The following PVALEF variants were observed in gnomAD, a reference collection of about 807,000 sequenced individuals.
PVALEF encodes parvalbumin like EF-hand containing.
PVALEF carries 2 observed loss-of-function variants against 1.2 expected under a neutral mutation model. The observed-to-expected ratio is 1.68, with a 90% CI of 0.69 to 5.28. The LOEUF (loss-of-function observed/expected upper bound fraction) is 5.28, where lower values mean the gene tolerates loss of function less well. Among genes scored for constraint, PVALEF ranks in the 30% most tolerant of loss-of-function variants. The probability of loss-of-function intolerance (pLI) is 0.06; values close to 1 mark genes in which losing one functional copy is unlikely to be tolerated. For synonymous variants in PVALEF, 16 were observed against 6.5 expected, an observed-to-expected ratio of 2.47 and a Z score of -2.24; for missense variants, 35 against 17.7, an observed-to-expected ratio of 1.97 and a Z score of -1.75.
chr17:81,175,693 A>T (rs1360338114), intron 2 of PVALEF, among the ~76,000 whole-genome samples: 1 of 152,226 alleles, frequency 6.6e-6, no homozygotes, highest in African/African-American at 2.4e-5. Context: ...GGGAAAAAAC[A>T]GTCTTTCAAC....
chr17:81,179,140 A>C lies in PVALEF; in HGVS notation c.-117A>C. ...ACCCACCTTCCAGAACTCTCGAAAG[A>C]AGCCAGGCAGAGGTAAGCCCTGCCA... On this transcript the variant is annotated 5_prime_UTR_variant, in exon 3 of 7. Coordinates refer to ENST00000637878, the MANE Select transcript of PVALEF (RefSeq NM_001354639.2). The C allele has an allele frequency of 2.6e-6, 1 of 379,910 alleles. No individual in the cohort carries two copies. The highest frequency in any genetic ancestry group is 1.8e-5 in the South Asian group (1 of 54,260). The allele number at this position is 379,910 out of a possible 1,614,324, so 23.5% of individuals were successfully genotyped here.
chr17:81,179,134 C>T lies in PVALEF; in HGVS notation c.-123C>T, dbSNP rs1178962530. 7 of 383,306 alleles carry T rather than the reference C, an allele frequency of 1.8e-5. No individual in the cohort carries two copies. Among genetic ancestry groups the T allele is most frequent in the East Asian group, 8.6e-5 (1 of 11,626 alleles). 23.7% of individuals were successfully genotyped at this position (383,306 alleles called of 1,614,324 possible). A position where few individuals can be genotyped will look rare whatever the true frequency, so the allele number is the denominator to read the frequency against. ...AGCCTGACCCACCTTCCAGAACTCT[C>T]GAAAGAAGCCAGGCAGAGGTAAGCC... On this transcript the variant is annotated 5_prime_UTR_variant, in exon 3 of 7. Coordinates refer to ENST00000637878, the MANE Select transcript of PVALEF (RefSeq NM_001354639.2).
At chr17:81,178,258 C>A (rs1598250573) in intron 2 of PVALEF, among the ~76,000 whole-genome samples, 1 of 152,324 alleles carries the variant, frequency 6.6e-6, no homozygotes, top group South Asian at 2.1e-4. Flanking sequence ...ATGTAAGAGG[C>A]CCGGGCAGTC....
chr17:81,172,980 C>A (rs1198339327), intron 2 of PVALEF, among the ~76,000 whole-genome samples: 4 of 152,080 alleles, frequency 2.6e-5, no homozygotes. Context: ...GAAGCGGCGG[C>A]GTGAGGCCTT....
At chr17:81,177,889 G>A (rs537487020) in intron 2 of PVALEF, among the ~76,000 whole-genome samples, 73 of 152,322 alleles carry the variant, frequency 4.8e-4, no homozygotes, top group African/African-American at 1.5e-3. Flanking sequence ...AATTGCTGCT[G>A]GGGCCAGGGA....
At chr17:81,168,716 G>A (rs903739882) in intron 2 of PVALEF, among the ~76,000 whole-genome samples, 4 of 152,132 alleles carry the variant, frequency 2.6e-5, no homozygotes, top group Non-Finnish European at 4.4e-5. Flanking sequence ...AGCATTGCCC[G>A]TCGAAGAGGA....
chr17:81,180,284 A>G (rs1012550168), intron 3 of PVALEF, among the ~76,000 whole-genome samples: 9 of 152,068 alleles, frequency 5.9e-5, no homozygotes, highest in African/African-American at 2.2e-4. Flanking sequence ...CTCCTCTGTA[A>G]AGGAGGTGAC....
Position 81,182,043 on chromosome 17 carries a change from C to A in PVALEF, c.320C>A (p.Ala107Glu), listed in dbSNP as rs1026733214. 6 of 398,646 alleles carry A rather than the reference C, an allele frequency of 1.5e-5. No homozygotes were observed. Among genetic ancestry groups the A allele is most frequent in the Non-Finnish European group, 2.2e-5 (5 of 226,206 alleles). 24.7% of individuals were successfully genotyped at this position (398,646 alleles called of 1,614,324 possible). ...TDEEAEAMIQ[A>E]ADTHGDGRIN... is the part of the protein sequence containing the mutation. Reference sequence around the variant, plus strand: ...GAGGAGGCCGAGGCCATGATCCAGGCGGCAGACACACACGGGGACGGGAGG... The same window carrying A: ...GAGGAGGCCGAGGCCATGATCCAGGAGGCAGACACACACGGGGACGGGAGG... Residue 107 changes from alanine (A) to glutamate (E), a missense_variant, in exon 6 of 7, where the codon GCG (alanine) becomes GAG (glutamate). Coordinates refer to ENST00000637878, the MANE Select transcript of PVALEF (RefSeq NM_001354639.2).
intron 1 of PVALEF, 133 bp downstream of exon 1, chr17:81,165,880 CATCACG>C: frequency 6.5e-7 from 1 of 1,548,238 alleles, no homozygotes; most frequent in Non-Finnish European, 8.7e-7. Flanking sequence ...GGCCCAGGGG[CATCACG>C]TCCGCAGCGG....
intron 4 of PVALEF, 69 bp from the exon 5 acceptor site, chr17:81,181,490 C>G: frequency 2.0e-6 from 1 of 489,776 alleles, no homozygotes; most frequent in South Asian, 3.9e-5. Flanking sequence ...CATCCCAGGG[C>G]GGGGTCTTCC....
intron 2 of PVALEF, among the ~76,000 whole-genome samples, chr17:81,172,620 C>T (rs1172909443): frequency 5.3e-5 from 8 of 152,006 alleles, no homozygotes; most frequent in Non-Finnish European, 1.2e-4. Context: ...AATTAGCCGG[C>T]GTGGTGGTGG....
intron 2 of PVALEF, among the ~76,000 whole-genome samples, chr17:81,168,475 G>C (rs996041222): frequency 2.0e-5 from 3 of 152,324 alleles, no homozygotes; most frequent in Middle Eastern, 3.4e-3. Flanking sequence ...GCTGGAACCA[G>C]GAGTTCAGAT....
rs139421585 is a variant in PVALEF, at chr17:81,168,914, T to C, written c.-340+2070T>C. 8.8e-3 allele frequency among the ~76,000 whole-genome samples: 1,335 copies of C among 152,326 alleles called. 19 individuals carry two copies. The highest frequency in any genetic ancestry group is 0.031 in the African/African-American group (1,274 of 41,564). On this transcript the variant is annotated intron_variant, in intron 2 of 6. Transcript: ENST00000637878. ...GATAAACCATCAACAGGATGTGATCTGTCCATACGATGCAATGGTATTGGT... is the reference window on the plus strand; with the variant it reads ...GATAAACCATCAACAGGATGTGATCCGTCCATACGATGCAATGGTATTGGT...
chr17:81,176,346 C>T (rs1021644575), intron 2 of PVALEF, among the ~76,000 whole-genome samples: 12 of 151,946 alleles, frequency 7.9e-5, no homozygotes, highest in Non-Finnish European at 1.5e-4. Context: ...TGGTGAAACC[C>T]CGTCTCCACT....
chr17:81,170,223 G>A (rs1023153023), intron 2 of PVALEF, among the ~76,000 whole-genome samples: 1 of 151,660 alleles, frequency 6.6e-6, no homozygotes, highest in Non-Finnish European at 1.5e-5. Flanking sequence ...GTTGGTATGT[G>A]TGCATGTATG....
At position 81,181,238 on chromosome 17, in the gene PVALEF, C is replaced by T; in HGVS notation, c.12C>T (p.Asp4=). 1.4e-6 allele frequency: 1 copy of T among 702,932 alleles called. No homozygotes were observed. The highest frequency in any genetic ancestry group is 1.7e-5 in the African/African-American group (1 of 57,400). 43.5% of individuals were successfully genotyped at this position (702,932 alleles called of 1,614,324 possible). The change falls in exon 4 of 7, where the codon GAC becomes GAT. Residue 4 remains aspartate, a synonymous_variant. Transcript: ENST00000637878. MEE[D]FSSQMKKMAL... is the part of the protein sequence containing the mutation. The stretch of plus-strand genomic sequence containing the variant: ...CACCCAGGACCAGGATGGAGGAGGA[C>T]TTCTCCTCCCAGATGAAGAAGATGG...
intron 2 of PVALEF, among the ~76,000 whole-genome samples, chr17:81,171,185 G>C (rs1449477697): frequency 6.6e-6 from 1 of 152,176 alleles, no homozygotes. Flanking sequence ...GCCCATAGTC[G>C]GGGCCAGTGA....
Position 81,165,647 on chromosome 17 carries a change from C to T in PVALEF, c.-608C>T. The stretch of plus-strand genomic sequence containing the variant: ...GTCTGAGACCAACTCTCCTGGACAC[C>T]AGGGGCCCACGCAGGCCCTCCGTGC... On this transcript the variant is annotated 5_prime_UTR_variant, in exon 1 of 7. Coordinates refer to ENST00000637878, the MANE Select transcript of PVALEF (RefSeq NM_001354639.2). 3 of 1,484,724 alleles carry T rather than the reference C, an allele frequency of 2.0e-6. No homozygotes were observed. The highest frequency in any genetic ancestry group is 2.7e-6 in the Non-Finnish European group (3 of 1,114,298). The allele number at this position is 1,484,724 out of a possible 1,614,324, so 92.0% of individuals were successfully genotyped here.
At chr17:81,179,782 G>A (rs1005371180) in intron 3 of PVALEF, among the ~76,000 whole-genome samples, 4 of 152,196 alleles carry the variant, frequency 2.6e-5, no homozygotes, top group African/African-American at 7.2e-5. Flanking sequence ...GGAATGGCCC[G>A]GAGCAGGGCA....
Sources: gnomAD v4.1 joint callset for allele counts (sites outside exome capture counted in the v4.1 genomes callset) on GRCh38, gnomAD v4.1.1 for gene constraint, MANE v1.5 for transcripts, NCBI Gene and HGNC (gene_info 2026-07-23, HGNC 2026-07-21) for gene names.